Variants in PTPRK observed in about 807,000 individuals in gnomAD.
PTPRK encodes receptor-type tyrosine-protein phosphatase kappa.
A neutral mutation model predicts 178.0 loss-of-function variants in PTPRK; 75 were observed. That is an observed-to-expected ratio of 0.42 (90% CI 0.35 to 0.51). PTPRK has a LOEUF of 0.51. Ranked by LOEUF, PTPRK falls within the 20% of genes least tolerant of loss-of-function variation. The pLI is 0.02. For missense variants in PTPRK, 1,441 were observed against 1,797.8 expected (o/e 0.80, Z 3.59); for synonymous variants, 637 against 620.6 (o/e 1.03, Z -0.39).
chr6:128,475,146 A>G (rs536669492), intron 1 of PTPRK, among the ~76,000 whole-genome samples: 1 of 152,196 alleles, frequency 6.6e-6, no homozygotes, highest in Non-Finnish European at 1.5e-5. Flanking sequence ...CCCTGTTATT[A>G]TCAGCTATGT....
intron 13 of PTPRK, among the ~76,000 whole-genome samples, chr6:128,045,861 T>C (rs978914237): frequency 6.6e-6 from 1 of 152,116 alleles, no homozygotes; most frequent in Non-Finnish European, 1.5e-5. Context: ...TCTGAATAAT[T>C]AACAATTTGA....
chr6:128,088,449 G>A (rs1240772633), intron 8 of PTPRK, among the ~76,000 whole-genome samples: 2 of 151,830 alleles, frequency 1.3e-5, no homozygotes, highest in East Asian at 3.9e-4. Flanking sequence ...TTTAGAAGGG[G>A]GTGGAACCTC....
chr6:128,077,500 A>G (rs1250351292), intron 11 of PTPRK, among the ~76,000 whole-genome samples: 5 of 151,642 alleles, frequency 3.3e-5, no homozygotes, highest in African/African-American at 1.2e-4. Context: ...ATATTTCTTC[A>G]TTTCCAGTGA....
intron 2 of PTPRK, among the ~76,000 whole-genome samples, chr6:128,334,962 C>T: frequency 6.6e-6 from 1 of 152,068 alleles, no homozygotes; most frequent in South Asian, 2.1e-4. Context: ...GTGGCGGGCA[C>T]CTGTAATCCC....
intron 14 of PTPRK, chr6:128,005,936 C>A: frequency 2.9e-6 from 3 of 1,036,170 alleles, no homozygotes; most frequent in South Asian, 2.3e-5. Context: ...TGAAATGTCA[C>A]CAAAATTGCA....
intron 13 of PTPRK, among the ~76,000 whole-genome samples, chr6:128,050,093 G>A (rs1252334723): frequency 2.0e-5 from 3 of 151,978 alleles, no homozygotes; most frequent in South Asian, 2.1e-4. Context: ...CGGAGATCAC[G>A]CCATTGAACT....
chr6:128,244,118 G>A (rs1310069252), intron 3 of PTPRK, among the ~76,000 whole-genome samples: 2 of 152,080 alleles, frequency 1.3e-5, no homozygotes, highest in Admixed American at 1.3e-4. Context: ...TCCTTCTCAG[G>A]ACTAGTGATA....
intron 3 of PTPRK, among the ~76,000 whole-genome samples, chr6:128,320,702 A>G (rs1193389734): frequency 6.6e-6 from 1 of 152,072 alleles, no homozygotes; most frequent in Non-Finnish European, 1.5e-5. Context: ...GCATTGTGAG[A>G]GTGACCTGGT....
At chr6:128,061,260 AAC>A (rs998316987) in intron 13 of PTPRK, among the ~76,000 whole-genome samples, 5 of 152,146 alleles carry the variant, frequency 3.3e-5, no homozygotes, top group African/African-American at 1.2e-4. Context: ...GAGTGAGAGA[AAC>A]ACACACTTTG....
chr6:128,245,030 G>T (rs184757664), intron 3 of PTPRK, among the ~76,000 whole-genome samples: 10 of 152,258 alleles, frequency 6.6e-5, no homozygotes, highest in Admixed American at 2.6e-4. Context: ...AGTTACATTT[G>T]TCAAGCACTT....
At chr6:128,374,036 A>C (rs1314881981) in intron 2 of PTPRK, among the ~76,000 whole-genome samples, 1 of 152,038 alleles carries the variant, frequency 6.6e-6, no homozygotes, top group Non-Finnish European at 1.5e-5. Context: ...TTAATCTCAC[A>C]CCTTGTTTGT....
In PTPRK at chr6:128,110,619, T is replaced by TA. The variant is rs539131172; in HGVS notation, c.1163-20628dup. On this transcript the variant is annotated intron_variant, in intron 7 of 29. Transcript: ENST00000368226. Reference sequence around the variant, plus strand: ...AAAGTTGGCACTTTGAAGATAGAAGTAAAAAAAAAAAATGTCAATATAGAT... The same window carrying TA: ...AAAGTTGGCACTTTGAAGATAGAAGTAAAAAAAAAAAAATGTCAATATAGAT... Among the ~76,000 whole-genome samples, 317 of 140,700 alleles carry TA rather than the reference T, an allele frequency of 2.3e-3. 1 individual carries two copies. Among genetic ancestry groups the TA allele is most frequent in the African/African-American group, 4.7e-3 (180 of 38,440 alleles). 92.3% of individuals were successfully genotyped at this position (140,700 alleles called of 152,430 possible). A position where few individuals can be genotyped will look rare whatever the true frequency, so the allele number is the denominator to read the frequency against.
intron 1 of PTPRK, among the ~76,000 whole-genome samples, chr6:128,404,291 T>C (rs1304274049): frequency 6.6e-6 from 1 of 152,174 alleles, no homozygotes; most frequent in Non-Finnish European, 1.5e-5. Context: ...CTAGAAAAGG[T>C]GAGAACTAGA....
intron 29 of PTPRK, among the ~76,000 whole-genome samples, chr6:127,971,236 C>A (rs750136149): frequency 6.6e-6 from 1 of 151,588 alleles, no homozygotes; most frequent in South Asian, 2.1e-4. Context: ...AATTCAGAGA[C>A]CATATCATAA....
intron 6 of PTPRK, 96 bp from the exon 7 acceptor site, chr6:128,184,821 T>A: frequency 8.5e-7 from 1 of 1,182,356 alleles, no homozygotes; most frequent in Non-Finnish European, 1.2e-6. Context: ...ATGGATCATT[T>A]ATTAGAAATG....
intron 2 of PTPRK, among the ~76,000 whole-genome samples, chr6:128,351,357 CA>C (rs1305917803): frequency 6.6e-6 from 1 of 151,780 alleles, no homozygotes; most frequent in African/African-American, 2.4e-5. Flanking sequence ...CATGTTCAGA[CA>C]AAAAGGAGAG....
At chr6:128,213,111 G>A (rs1298647858) in intron 6 of PTPRK, among the ~76,000 whole-genome samples, 1 of 151,872 alleles carries the variant, frequency 6.6e-6, no homozygotes, top group Non-Finnish European at 1.5e-5. Context: ...GAAAATGTAT[G>A]TTTAATGGAC....
chr6:128,422,676 CAAAA>C (rs750423577), intron 1 of PTPRK, among the ~76,000 whole-genome samples: 1,330 of 14,640 alleles, frequency 0.091, 15 homozygotes, highest in Middle Eastern at 0.25. Flanking sequence ...TTCACGGACG[CAAAA>C]AAAAAAAAAA....
At chr6:128,314,983 G>C in intron 3 of PTPRK, among the ~76,000 whole-genome samples, 1 of 144,142 alleles carries the variant, frequency 6.9e-6, no homozygotes, top group East Asian at 2.1e-4. Flanking sequence ...CCAAGACATA[G>C]AAAGAGGGGG....
Sources: allele counts gnomAD v4.1 joint callset (sites outside exome capture counted in the v4.1 genomes callset), GRCh38; gene constraint gnomAD v4.1.1; transcripts MANE v1.5; gene names NCBI Gene and HGNC (gene_info 2026-07-23, HGNC 2026-07-21).